Variants in C8orf34 observed in about 807,000 individuals in gnomAD.
The protein encoded by C8orf34 is chromosome 8 open reading frame 34, also known as uncharacterized protein C8orf34.
In C8orf34, 65 loss-of-function variants were observed where a neutral mutation model predicts 68.3. The ratio of observed to expected loss-of-function variants is 0.95; its 90% CI spans 0.78 to 1.17. The LOEUF (loss-of-function observed/expected upper bound fraction) is 1.17. C8orf34 is among the 50% of genes most tolerant of loss of function. C8orf34 has a pLI of 0.00. For missense variants in C8orf34, 664 were observed against 655.4 expected, an observed-to-expected ratio of 1.01 and a Z score of -0.14; for synonymous variants, 244 against 241.2, an observed-to-expected ratio of 1.01 and a Z score of -0.11.
chr8:68,617,772 T>C (rs1483863000), intron 7 of C8orf34, among the ~76,000 whole-genome samples: 4 of 152,104 alleles, frequency 2.6e-5, no homozygotes, highest in Non-Finnish European at 4.4e-5. Flanking sequence ...CTTGGAGTTG[T>C]TCTTCTCGAG....
At chr8:68,424,448 A>C (rs2129623963) in intron 1 of C8orf34, among the ~76,000 whole-genome samples, 1 of 152,324 alleles carries the variant, frequency 6.6e-6, no homozygotes, top group South Asian at 2.1e-4. Context: ...AGAAATAGGA[A>C]AACCACAATT....
At chr8:68,721,523 G>A in intron 10 of C8orf34, 86 bp downstream of exon 10, 1 of 911,114 alleles carries the variant, frequency 1.1e-6, no homozygotes, top group Non-Finnish European at 1.7e-6. Context: ...ATATAATAAA[G>A]CCAGCTTTCT....
intron 12 of C8orf34, among the ~76,000 whole-genome samples, chr8:68,806,427 C>G (rs1285104884): frequency 6.6e-6 from 1 of 152,014 alleles, no homozygotes; most frequent in Non-Finnish European, 1.5e-5. Context: ...GTATAAAAAT[C>G]AAGAAAGTTT....
Position 68,613,880 on chromosome 8 carries a change from G to C in C8orf34, c.1106-26496G>C, listed in dbSNP as rs565842746. Among the ~76,000 whole-genome samples, 236 of 152,102 alleles carry C rather than the reference G, an allele frequency of 1.6e-3. 4 individuals carry two copies. In the East Asian group the frequency reaches 0.043, roughly 28 times the overall value. ...GAATCGCCACACTGACTTCCACAATGGTTGAACTAGTTTACAGTCCCACCA... is the reference window on the plus strand; with the variant it reads ...GAATCGCCACACTGACTTCCACAATCGTTGAACTAGTTTACAGTCCCACCA... On this transcript the variant is annotated intron_variant, in intron 7 of 13. Transcript: ENST00000518698.
chr8:68,661,298 G>C (rs534356960), intron 8 of C8orf34, among the ~76,000 whole-genome samples: 12 of 152,344 alleles, frequency 7.9e-5, no homozygotes, highest in Admixed American at 6.5e-4. Context: ...GAAAAAGTCT[G>C]AGAGGAAGGC....
chr8:68,459,870 A>G lies in C8orf34; in HGVS notation c.608-8822A>G, dbSNP rs909700462. On this transcript the variant is annotated intron_variant, in intron 3 of 13. Coordinates refer to ENST00000518698, the MANE Select transcript of C8orf34 (RefSeq NM_052958.4). ...GCTCCCAGTGTGAGTGACGCAGAAG[A>G]CAGGTGATTTCTGCATTTCCATCAG... Among the ~76,000 whole-genome samples the G allele has an allele frequency of 1.6e-4, 24 of 152,316 alleles. 1 individual carries two copies. Among genetic ancestry groups the G allele is most frequent in the Non-Finnish European group, 3.2e-4 (22 of 68,026 alleles).
intron 4 of C8orf34, among the ~76,000 whole-genome samples, chr8:68,478,833 C>G (rs1361896061): frequency 6.6e-6 from 1 of 152,126 alleles, no homozygotes; most frequent in Non-Finnish European, 1.5e-5. Flanking sequence ...CCAATCACCT[C>G]CCTTTGCCAA....
intron 9 of C8orf34, among the ~76,000 whole-genome samples, chr8:68,710,195 A>G (rs1269633541): frequency 1.3e-5 from 2 of 152,040 alleles, no homozygotes; most frequent in African/African-American, 2.4e-5. Flanking sequence ...TTTTGCTCCA[A>G]GAAGTACCGC....
intron 10 of C8orf34, among the ~76,000 whole-genome samples, chr8:68,746,623 A>G (rs1236853484): frequency 5.4e-4 from 81 of 149,108 alleles, no homozygotes; most frequent in African/African-American, 1.5e-3. Context: ...CAAATAAACT[A>G]GAAAATCTAG....
intron 1 of C8orf34, among the ~76,000 whole-genome samples, chr8:68,410,633 C>G (rs1809404036): frequency 6.6e-6 from 1 of 152,122 alleles, no homozygotes; most frequent in South Asian, 2.1e-4. Flanking sequence ...AGGCCTTCCT[C>G]TGGAGGTAGA....
intron 1 of C8orf34, among the ~76,000 whole-genome samples, chr8:68,348,037 A>G (rs1314800441): frequency 6.6e-6 from 1 of 151,844 alleles, no homozygotes; most frequent in Non-Finnish European, 1.5e-5. Context: ...ATCTTTGCCC[A>G]TTCCTGTGTC....
intron 6 of C8orf34, among the ~76,000 whole-genome samples, chr8:68,527,946 C>T (rs1054153762): frequency 6.6e-6 from 1 of 152,128 alleles, no homozygotes; most frequent in Admixed American, 6.6e-5. Context: ...CATCCTTTAT[C>T]GTCTGCTGCT....
intron 7 of C8orf34, among the ~76,000 whole-genome samples, chr8:68,547,654 A>G (rs531133597): frequency 1.3e-5 from 2 of 151,830 alleles, no homozygotes; most frequent in South Asian, 2.1e-4. Flanking sequence ...TCTATGACAC[A>G]GTACAGTCTC....
intron 7 of C8orf34, among the ~76,000 whole-genome samples, chr8:68,613,297 T>C (rs1433202423): frequency 6.6e-6 from 1 of 152,128 alleles, no homozygotes; most frequent in Non-Finnish European, 1.5e-5. Flanking sequence ...TTTCTTTTTA[T>C]TTTATTTTAT....
intron 4 of C8orf34, among the ~76,000 whole-genome samples, chr8:68,472,921 A>G (rs1179412446): frequency 6.6e-6 from 1 of 152,174 alleles, no homozygotes; most frequent in Non-Finnish European, 1.5e-5. Flanking sequence ...CAGTAGCCAC[A>G]GGACAAGTGG....
intron 10 of C8orf34, among the ~76,000 whole-genome samples, chr8:68,740,440 C>G (rs572151404): frequency 7.9e-5 from 12 of 151,990 alleles, no homozygotes; most frequent in Admixed American, 7.9e-4. Flanking sequence ...TGAACAGACA[C>G]TTTTCAAAAG....
chr8:68,620,102 G>A (rs1184817128), intron 7 of C8orf34, among the ~76,000 whole-genome samples: 1 of 152,200 alleles, frequency 6.6e-6, no homozygotes, highest in Non-Finnish European at 1.5e-5. Flanking sequence ...CATCACGGAA[G>A]TGCAGGGTGA....
At chr8:68,644,061 T>C (rs1444740836) in intron 8 of C8orf34, among the ~76,000 whole-genome samples, 1 of 152,188 alleles carries the variant, frequency 6.6e-6, no homozygotes, top group Non-Finnish European at 1.5e-5. Flanking sequence ...GTGAAGACTC[T>C]CCCTTTACCT....
At chr8:68,381,738 C>CAAAAAA (rs769290635) in intron 1 of C8orf34, among the ~76,000 whole-genome samples, 18 of 72,032 alleles carry the variant, frequency 2.5e-4, no homozygotes, top group East Asian at 8.8e-4. Flanking sequence ...GACTCCGTCT[C>CAAAAAA]AAAAAAAAAA....
Sources: allele counts gnomAD v4.1 joint callset (sites outside exome capture counted in the v4.1 genomes callset), GRCh38; gene constraint gnomAD v4.1.1; transcripts MANE v1.5; gene names NCBI Gene and HGNC (gene_info 2026-07-23, HGNC 2026-07-21).